The following CHFR variants were observed in gnomAD, a reference collection of about 807,000 sequenced individuals.
The protein encoded by CHFR is E3 ubiquitin-protein ligase CHFR.
CHFR carries 57 observed loss-of-function variants against 87.6 expected under a neutral mutation model. The ratio of observed to expected loss-of-function variants is 0.65; its 90% confidence interval spans 0.53 to 0.81. CHFR has a LOEUF of 0.81. Ranked by LOEUF, CHFR falls within the 30% of genes least tolerant of loss-of-function variation. CHFR has a pLI of 0.00. For synonymous variants in CHFR, 381 were observed against 359.2 expected (o/e 1.06, Z -0.69); for missense variants, 797 against 865.8 (o/e 0.92, Z 1.00).
intron 2 of CHFR, among the ~76,000 whole-genome samples, chr12:132,882,679 A>G (rs1951795953): frequency 6.6e-6 from 1 of 150,636 alleles, no homozygotes; most frequent in Non-Finnish European, 1.5e-5. Flanking sequence ...AGTTTGTAAC[A>G]GAGGCGTCTC....
chr12:132,886,885 CTTCTAT>C (rs978821523), intron 2 of CHFR, among the ~76,000 whole-genome samples: 1 of 152,042 alleles, frequency 6.6e-6, no homozygotes, highest in African/African-American at 2.4e-5. Context: ...TCCACTTTTC[CTTCTAT>C]TATTTTTAAT....
At chr12:132,876,599 C>G (rs1013169494) in intron 3 of CHFR, among the ~76,000 whole-genome samples, 1 of 152,130 alleles carries the variant, frequency 6.6e-6, no homozygotes, top group African/African-American at 2.4e-5. Flanking sequence ...AGAAATCAAA[C>G]TTGAATAGGC....
At chr12:132,870,861 A>G in intron 4 of CHFR, 78 bp from the exon 5 acceptor site, 1 of 827,200 alleles carries the variant, frequency 1.2e-6, no homozygotes, top group Admixed American at 2.0e-5. Context: ...TCTGTTCTCC[A>G]GTCCATTTGT....
At chr12:132,863,178 G>A (rs1951255778) in intron 6 of CHFR, among the ~76,000 whole-genome samples, 1 of 149,056 alleles carries the variant, frequency 6.7e-6, no homozygotes, top group African/African-American at 2.5e-5. Context: ...TTACAGGCGT[G>A]AGCCACCGCG....
chr12:132,846,523 G>T (rs1950831931), intron 15 of CHFR, among the ~76,000 whole-genome samples: 1 of 150,482 alleles, frequency 6.6e-6, no homozygotes, highest in African/African-American at 2.4e-5. Flanking sequence ...GCCCGCCTCA[G>T]CCTCCCAAAG....
In CHFR at chr12:132,887,330, G is replaced by A. The variant is rs745782659; in HGVS notation, c.-2C>T. ...CTTGCCTTCCTCGGGCCGCTCCATC[G>A]GGATTCACATCTGCGGAGACCCCGG... is the stretch of plus-strand genomic sequence containing the variant. On this transcript the variant is annotated 5_prime_UTR_variant, in exon 2 of 18. Coordinates refer to ENST00000450056, the MANE Select transcript of CHFR (RefSeq NM_001161346.2). The A allele has an allele frequency of 4.8e-6, 7 of 1,461,196 alleles. No homozygotes were observed. In the South Asian group the frequency reaches 6.6e-5, roughly 14 times the overall value. The allele number at this position is 1,461,196 out of a possible 1,614,324, so 90.5% of individuals were successfully genotyped here.
Position 132,841,432 on chromosome 12 carries a change from C to G in CHFR, c.*122G>C. The G allele has an allele frequency of 2.4e-6, 2 of 849,586 alleles. No homozygotes were observed. The highest frequency in any genetic ancestry group is 4.0e-6 in the Non-Finnish European group (2 of 498,210). 52.6% of individuals were successfully genotyped at this position (849,586 alleles called of 1,614,324 possible). A position where few individuals can be genotyped will look rare whatever the true frequency, so the allele number is the denominator to read the frequency against. On this transcript the variant is annotated 3_prime_UTR_variant, in exon 18 of 18. Coordinates refer to ENST00000450056, the MANE Select transcript of CHFR (RefSeq NM_001161346.2). Reference sequence around the variant, plus strand: ...AGAAGAGTCACCCCAGAGCACCTGTCGGAGACCCTGCGTCCCTTCCCTCAG... The same window carrying G: ...AGAAGAGTCACCCCAGAGCACCTGTGGGAGACCCTGCGTCCCTTCCCTCAG...
At chr12:132,876,622 A>C (rs1951636724) in intron 3 of CHFR, among the ~76,000 whole-genome samples, 1 of 152,210 alleles carries the variant, frequency 6.6e-6, no homozygotes, top group African/African-American at 2.4e-5. Flanking sequence ...GCAAGAACCA[A>C]AAATTACCAG....
At chr12:132,882,718 T>C (rs1951797058) in intron 2 of CHFR, among the ~76,000 whole-genome samples, 1 of 151,770 alleles carries the variant, frequency 6.6e-6, no homozygotes, top group Non-Finnish European at 1.5e-5. Context: ...TTTTTTTTTT[T>C]TCTTTGAGAC....
At chr12:132,863,306 G>A (rs749617163) in intron 6 of CHFR, among the ~76,000 whole-genome samples, 1 of 151,342 alleles carries the variant, frequency 6.6e-6, no homozygotes, top group Non-Finnish European at 1.5e-5. Context: ...TCAGGAGTTC[G>A]AGACCAGCCT....
chr12:132,855,707 CATTTT>C (rs1321409879), intron 10 of CHFR, among the ~76,000 whole-genome samples: 1 of 152,064 alleles, frequency 6.6e-6, no homozygotes, highest in South Asian at 2.1e-4. Flanking sequence ...CATTACATTT[CATTTT>C]GTTAACGATT....
At chr12:132,860,439 T>C (rs1017805742) in intron 7 of CHFR, among the ~76,000 whole-genome samples, 2 of 152,222 alleles carry the variant, frequency 1.3e-5, no homozygotes, top group African/African-American at 4.8e-5. Flanking sequence ...TCCTCATTCC[T>C]GTGCTTATTT....
chr12:132,885,849 C>G (rs1186381265), intron 2 of CHFR, among the ~76,000 whole-genome samples: 1 of 152,188 alleles, frequency 6.6e-6, no homozygotes, highest in Non-Finnish European at 1.5e-5. Flanking sequence ...CTCTGCTCTT[C>G]ACCAAACCTC....
chr12:132,859,016 C>T (rs1335751078), intron 8 of CHFR, 52 bp downstream of exon 8: 50 of 1,562,374 alleles, frequency 3.2e-5, no homozygotes, highest in East Asian at 2.3e-4. Context: ...CCACACGGGA[C>T]GAAGAACCTG....
At chr12:132,873,328 A>G (rs1207916567) in intron 3 of CHFR, among the ~76,000 whole-genome samples, 1 of 152,212 alleles carries the variant, frequency 6.6e-6, no homozygotes, top group East Asian at 1.9e-4. Context: ...TGCAGACAGT[A>G]AGCAAATGAA....
rs774770261 is a variant in CHFR at position 132,857,515 on chromosome 12, C to A, written c.956G>T (p.Gly319Val). Residue 319 changes from glycine to valine, a missense_variant, in exon 9 of 18, where the codon GGC (glycine) becomes GTC (valine). Coordinates refer to ENST00000450056, the MANE Select transcript of CHFR (RefSeq NM_001161346.2). Reference protein sequence around the residue: ...MHTFCAACYSGWMERSSLCPT... With the variant: ...MHTFCAACYSVWMERSSLCPT... ...ACACAGGGACGAGCGCTCCATCCAG[C>A]CCGAGTAGCAAGCCGCGCAGAACGT... 1.9e-6 allele frequency: 3 copies of A among 1,614,208 alleles called. No individual in the cohort carries two copies. Among genetic ancestry groups the A allele is most frequent in the Non-Finnish European group, 1.7e-6 (2 of 1,180,030 alleles).
At chr12:132,867,827 G>A (rs1409313015) in intron 6 of CHFR, 1 of 151,974 alleles carries the variant, frequency 6.6e-6, no homozygotes, top group Non-Finnish European at 1.5e-5. Flanking sequence ...AACAAACAAG[G>A]AGAAACACCA....
At chr12:132,884,150 G>A (rs1951831816) in intron 2 of CHFR, among the ~76,000 whole-genome samples, 1 of 151,234 alleles carries the variant, frequency 6.6e-6, no homozygotes, top group Non-Finnish European at 1.5e-5. Context: ...CGGGCACAGT[G>A]GCTCACGCCT....
At position 132,839,831 on chromosome 12, in the gene CHFR, G is replaced by T; in HGVS notation, c.*1723C>A. Reference sequence around the variant, plus strand: ...GACCTCCCCTCTCAGCCTCGCCCCTGCACAAACTCGGGATCTCCCCTCTCA... The same window carrying T: ...GACCTCCCCTCTCAGCCTCGCCCCTTCACAAACTCGGGATCTCCCCTCTCA... On this transcript the variant is annotated 3_prime_UTR_variant, in exon 18 of 18. Transcript: ENST00000450056. 1 of 163,508 alleles carries T rather than the reference G, an allele frequency of 6.1e-6. No homozygotes were observed. The highest frequency in any genetic ancestry group is 1.3e-5 in the Non-Finnish European group (1 of 77,634). The allele number at this position is 163,508 out of a possible 1,614,324, so 10.1% of individuals were successfully genotyped here.
Sources: gnomAD v4.1 joint callset for allele counts (sites outside exome capture counted in the v4.1 genomes callset) on GRCh38, gnomAD v4.1.1 for gene constraint, MANE v1.5 for transcripts, NCBI Gene and HGNC (gene_info 2026-07-23, HGNC 2026-07-21) for gene names.